THSD7A: variants seen among roughly 807,000 people sequenced by gnomAD.
The protein encoded by THSD7A is thrombospondin type-1 domain-containing protein 7A.
A neutral mutation model predicts 231.3 loss-of-function variants in THSD7A; 96 were observed. The observed-to-expected ratio is 0.41, with a 90% CI of 0.35 to 0.49. THSD7A has a LOEUF of 0.49. THSD7A is among the 20% of genes least tolerant of loss of function. The probability of loss-of-function intolerance (pLI) is 0.05; values close to 1 mark genes in which losing one functional copy is unlikely to be tolerated. For missense variants in THSD7A, 2,290 were observed against 2,070.2 expected, an observed-to-expected ratio of 1.11 and a Z score of -2.06; for synonymous variants, 940 against 743.3, an observed-to-expected ratio of 1.26 and a Z score of -4.30.
chr7:11,788,221 T>A (rs918774164), intron 1 of THSD7A, among the ~76,000 whole-genome samples: 8 of 152,086 alleles, frequency 5.3e-5, no homozygotes, highest in Non-Finnish European at 1.5e-5. Context: ...AATGATGCAG[T>A]CATTTTTAGT....
rs558251186 is a variant in THSD7A, at chr7:11,452,626, T to C, written c.2606-5202A>G. 3.3e-5 allele frequency among the ~76,000 whole-genome samples: 5 copies of C among 152,090 alleles called. No homozygotes were observed. In the East Asian group the frequency reaches 9.7e-4, roughly 30 times the overall value. ...GACTGAGGTTGGCTAAGATCCCCAGTTGGGATCTGGGAAGGGTTAACTGCA... is the reference window on the plus strand; with the variant it reads ...GACTGAGGTTGGCTAAGATCCCCAGCTGGGATCTGGGAAGGGTTAACTGCA... On this transcript the variant is annotated intron_variant, in intron 11 of 27. Transcript: ENST00000423059.
chr7:11,427,847 G>A (rs781177559), intron 14 of THSD7A, among the ~76,000 whole-genome samples: 3 of 152,114 alleles, frequency 2.0e-5, no homozygotes, highest in Non-Finnish European at 4.4e-5. Context: ...TGACATGGAA[G>A]CTAAACTACC....
chr7:11,466,143 G>A (rs1191058888), intron 9 of THSD7A, among the ~76,000 whole-genome samples: 1 of 152,058 alleles, frequency 6.6e-6, no homozygotes, highest in African/African-American at 2.4e-5. Context: ...TTAAAAAGAA[G>A]GATAGTCCTG....
At chr7:11,555,967 A>T (rs1789827337) in intron 4 of THSD7A, among the ~76,000 whole-genome samples, 1 of 151,804 alleles carries the variant, frequency 6.6e-6, no homozygotes, top group African/African-American at 2.4e-5. Flanking sequence ...TGCATATAAC[A>T]TTATATTTGA....
intron 23 of THSD7A, among the ~76,000 whole-genome samples, chr7:11,394,484 C>T (rs1196034432): frequency 2.6e-5 from 4 of 152,060 alleles, no homozygotes; most frequent in East Asian, 1.9e-4. Context: ...CCTGGCTTTG[C>T]GGGAGAATAG....
In THSD7A at chr7:11,671,615, C is replaced by G. The variant is rs79677542; in HGVS notation, c.191-34654G>C. On this transcript the variant is annotated intron_variant, in intron 1 of 27. Coordinates refer to ENST00000423059, the MANE Select transcript of THSD7A (RefSeq NM_015204.3). The stretch of plus-strand genomic sequence containing the variant: ...TAATCTTTGTTGTTGTTTTTGTTTT[C>G]TAATTTGAGATGTTAGCTTTATTTA... Among the ~76,000 whole-genome samples the G allele has an allele frequency of 9.8e-3, 1,496 of 151,978 alleles. 28 individuals carry two copies. Among genetic ancestry groups the G allele is most frequent in the African/African-American group, 0.034 (1,406 of 41,466 alleles).
At chr7:11,694,872 C>A (rs1327665306) in intron 1 of THSD7A, among the ~76,000 whole-genome samples, 1 of 151,440 alleles carries the variant, frequency 6.6e-6, no homozygotes, top group Non-Finnish European at 1.5e-5. Flanking sequence ...ATTTGGAAGA[C>A]AATTCCACAT....
At chr7:11,703,379 T>G (rs1231717935) in intron 1 of THSD7A, among the ~76,000 whole-genome samples, 1 of 151,218 alleles carries the variant, frequency 6.6e-6, no homozygotes, top group African/African-American at 2.4e-5. Context: ...AATCTGAGGA[T>G]CAGAGATTTT....
intron 1 of THSD7A, among the ~76,000 whole-genome samples, chr7:11,738,717 A>G (rs961799851): frequency 1.3e-5 from 2 of 152,014 alleles, no homozygotes; most frequent in African/African-American, 2.4e-5. Context: ...AGATTTGAAG[A>G]TGCTATGCCA....
chr7:11,603,437 A>G (rs1426487175), intron 2 of THSD7A, among the ~76,000 whole-genome samples: 1 of 152,124 alleles, frequency 6.6e-6, no homozygotes, highest in African/African-American at 2.4e-5. Context: ...GTGGGACTGT[A>G]AACTAGTTCA....
intron 23 of THSD7A, among the ~76,000 whole-genome samples, chr7:11,393,313 A>G (rs994159690): frequency 6.6e-6 from 1 of 152,206 alleles, no homozygotes; most frequent in Non-Finnish European, 1.5e-5. Flanking sequence ...AGAAAGGAAT[A>G]GCATTAACAT....
intron 1 of THSD7A, among the ~76,000 whole-genome samples, chr7:11,809,329 G>A (rs1418309257): frequency 6.6e-6 from 1 of 152,168 alleles, no homozygotes; most frequent in Admixed American, 6.6e-5. Context: ...GAGCTTCATA[G>A]AGCAAGTGGT....
At chr7:11,645,356 A>G (rs1189218779) in intron 1 of THSD7A, among the ~76,000 whole-genome samples, 1 of 151,750 alleles carries the variant, frequency 6.6e-6, no homozygotes, top group South Asian at 2.1e-4. Context: ...TATTTTGTGT[A>G]TATTTTCTGT....
Position 11,780,502 on chromosome 7 carries a change from A to C in THSD7A, c.190+51255T>G, listed in dbSNP as rs75672623. ...CTATACAGAGATCCATGTGACAATA[A>C]ATTAAGGTCTTCAGCCGACAGCCAG... On this transcript the variant is annotated intron_variant, in intron 1 of 27. Transcript: ENST00000423059. 1.7e-3 allele frequency among the ~76,000 whole-genome samples: 252 copies of C among 152,244 alleles called. 2 individuals are homozygous for C. The highest frequency in any genetic ancestry group is 5.8e-3 in the African/African-American group (239 of 41,546).
At chr7:11,684,409 G>A (rs1779956667) in intron 1 of THSD7A, among the ~76,000 whole-genome samples, 1 of 141,462 alleles carries the variant, frequency 7.1e-6, no homozygotes. Context: ...AAAAAAAAAA[G>A]ACATTGAAAT....
intron 22 of THSD7A, among the ~76,000 whole-genome samples, chr7:11,403,054 C>T (rs190830812): frequency 3.0e-4 from 45 of 152,278 alleles, no homozygotes; most frequent in African/African-American, 9.1e-4. Flanking sequence ...TTATGAAATA[C>T]ACCCTTTCCA....
chr7:11,569,163 G>A (rs1430658834), intron 4 of THSD7A, among the ~76,000 whole-genome samples: 1 of 152,062 alleles, frequency 6.6e-6, no homozygotes, highest in African/African-American at 2.4e-5. Context: ...AAAAGCACAG[G>A]TAACAGAAAC....
At chr7:11,721,597 T>C (rs1781355651) in intron 1 of THSD7A, among the ~76,000 whole-genome samples, 4 of 151,850 alleles carry the variant, frequency 2.6e-5, no homozygotes, top group Admixed American at 2.0e-4. Flanking sequence ...GAGAACGGAC[T>C]AATACACTAA....
intron 1 of THSD7A, among the ~76,000 whole-genome samples, chr7:11,781,285 A>AT (rs757174166): frequency 0.012 from 1,673 of 136,648 alleles, 20 homozygotes; most frequent in African/African-American, 0.03. Context: ...GTCTCTGCAC[A>AT]TTTTTTTTTT....
Sources: allele counts gnomAD v4.1 joint callset (sites outside exome capture counted in the v4.1 genomes callset), GRCh38; gene constraint gnomAD v4.1.1; transcripts MANE v1.5; gene names NCBI Gene and HGNC (gene_info 2026-07-23, HGNC 2026-07-21).